The following SPNS3 variants were observed in gnomAD, a reference collection of about 807,000 sequenced individuals.
The protein encoded by SPNS3 is SPNS lysolipid transporter 3, sphingosine-1-phosphate (putative), also known as protein spinster homolog 3.
In SPNS3, 51 loss-of-function variants were observed where a neutral mutation model predicts 54.4. The ratio of observed to expected loss-of-function variants is 0.94; its 90% CI spans 0.75 to 1.18. SPNS3 has a LOEUF of 1.18. Ranked by LOEUF, SPNS3 falls within the 50% of genes most tolerant of loss-of-function variation. The pLI, the probability that SPNS3 is intolerant of heterozygous loss-of-function variation, is 0.00. For missense variants in SPNS3, 669 were observed against 677.4 expected, an observed-to-expected ratio of 0.99 and a Z score of 0.14; for synonymous variants, 309 against 294.7, an observed-to-expected ratio of 1.05 and a Z score of -0.50.
chr17:4,452,965 C>T (rs1378779899), intron 7 of SPNS3, 51 bp from the exon 8 acceptor site: 2 of 1,558,786 alleles, frequency 1.3e-6, no homozygotes, highest in African/African-American at 2.7e-5. Flanking sequence ...ATAAGAGTCC[C>T]TATGCTAAGC....
intron 8 of SPNS3, among the ~76,000 whole-genome samples, chr17:4,455,418 G>A (rs867829991): frequency 6.6e-6 from 1 of 152,348 alleles, no homozygotes; most frequent in African/African-American, 2.4e-5. Context: ...AGCTGTTTCT[G>A]CTGACTGTCG....
rs901131114 is a variant in SPNS3 at position 4,449,484 on chromosome 17, G to A, written c.923+97G>A. The A allele has an allele frequency of 1.1e-5, 15 of 1,384,262 alleles. No individual in the cohort carries two copies. The African/African-American group carries it at 1.8e-4, about 16-fold the overall frequency. 85.7% of individuals were successfully genotyped at this position (1,384,262 alleles called of 1,614,324 possible). Reference sequence around the variant, plus strand: ...GAGCTCCAAAATTCAGTTTCTTGGGGTGGGGCATTTGGTGCTGTGTGAAGA... The same window carrying A: ...GAGCTCCAAAATTCAGTTTCTTGGGATGGGGCATTTGGTGCTGTGTGAAGA... On this transcript the variant is annotated intron_variant, in intron 7 of 11. Coordinates refer to ENST00000355530, the MANE Select transcript of SPNS3 (RefSeq NM_182538.5).
chr17:4,438,968 T>G (rs137970462), intron 1 of SPNS3, among the ~76,000 whole-genome samples: 42 of 150,300 alleles, frequency 2.8e-4, no homozygotes, highest in Non-Finnish European at 5.0e-4. Flanking sequence ...GTGTGTGTAT[T>G]TGTGCCTCTG....
chr17:4,455,063 G>A (rs2144079275), intron 8 of SPNS3, among the ~76,000 whole-genome samples: 1 of 152,070 alleles, frequency 6.6e-6, no homozygotes, highest in Admixed American at 6.5e-5. Context: ...ACATGTGTGA[G>A]CCACCACGCC....
At chr17:4,439,813 G>A in intron 2 of SPNS3, 90 bp downstream of exon 2, 2 of 1,217,672 alleles carry the variant, frequency 1.6e-6, no homozygotes, top group East Asian at 2.5e-5. Flanking sequence ...CCCAGCTCCA[G>A]CCCCACTGGG....
chr17:4,473,950 C>T (rs1401234859), intron 8 of SPNS3, among the ~76,000 whole-genome samples: 1 of 152,074 alleles, frequency 6.6e-6, no homozygotes, highest in Non-Finnish European at 1.5e-5. Context: ...AGACTTGGCC[C>T]TTAGAGAGCC....
rs368847172 is a variant in SPNS3 at position 4,441,367 on chromosome 17, G to GA, written c.265+1654dup. ...GTGAGACCCTATTCTCCACAGAAAGGAAAAAAAAAAGACAAAAGAGTTACG... is the reference window on the plus strand; with the variant it reads ...GTGAGACCCTATTCTCCACAGAAAGGAAAAAAAAAAAGACAAAAGAGTTACG... On this transcript the variant is annotated intron_variant, in intron 2 of 11. Coordinates refer to ENST00000355530, the MANE Select transcript of SPNS3 (RefSeq NM_182538.5). 9.0e-3 allele frequency among the ~76,000 whole-genome samples: 1,333 copies of GA among 147,518 alleles called. 23 individuals carry two copies. Among genetic ancestry groups the GA allele is most frequent in the African/African-American group, 0.029 (1,193 of 40,510 alleles).
chr17:4,439,487 T>A (rs1415266058), intron 1 of SPNS3, among the ~76,000 whole-genome samples, 171 bp from the exon 2 acceptor site: 1 of 152,086 alleles, frequency 6.6e-6, no homozygotes, highest in Non-Finnish European at 1.5e-5. Context: ...CCTGCTCTTG[T>A]GTGTGTGGTT....
intron 8 of SPNS3, among the ~76,000 whole-genome samples, chr17:4,468,571 G>T (rs1971747657): frequency 6.6e-6 from 1 of 152,066 alleles, no homozygotes; most frequent in Admixed American, 6.6e-5. Flanking sequence ...TGTGGGGCAG[G>T]GGGCGGTGGC....
rs1970972644 is a variant in SPNS3 at position 4,445,910 on chromosome 17, G to A, written c.403-138G>A. 5 of 974,956 alleles carry A rather than the reference G, an allele frequency of 5.1e-6. No individual in the cohort carries two copies. In the South Asian group the frequency reaches 1.0e-4, roughly 20 times the overall value. The allele number at this position is 974,956 out of a possible 1,614,324, so 60.4% of individuals were successfully genotyped here. A position where few individuals can be genotyped will look rare whatever the true frequency, so the allele number is the denominator to read the frequency against. ...CTTTGGGAACCTGGAGTGGAGAGGTGTCTGTAGCCCCGATCCCCTCTCCCT... is the reference window on the plus strand; with the variant it reads ...CTTTGGGAACCTGGAGTGGAGAGGTATCTGTAGCCCCGATCCCCTCTCCCT... On this transcript the variant is annotated intron_variant, in intron 3 of 11. Coordinates refer to ENST00000355530, the MANE Select transcript of SPNS3 (RefSeq NM_182538.5).
intron 8 of SPNS3, among the ~76,000 whole-genome samples, chr17:4,455,665 C>A (rs115270042): frequency 0.024 from 3,681 of 152,176 alleles, 152 homozygotes; most frequent in African/African-American, 0.084. Context: ...GAGGCCTCCC[C>A]CACTGCCGCC....
chr17:4,450,667 G>A (rs1971138858), intron 7 of SPNS3, among the ~76,000 whole-genome samples: 1 of 151,750 alleles, frequency 6.6e-6, no homozygotes, highest in African/African-American at 2.4e-5. Flanking sequence ...CACAATCTTG[G>A]CTGACTGCAG....
At chr17:4,450,877 G>A (rs956065405) in intron 7 of SPNS3, among the ~76,000 whole-genome samples, 1 of 151,834 alleles carries the variant, frequency 6.6e-6, no homozygotes, top group African/African-American at 2.4e-5. Context: ...CGAAGTGCTG[G>A]AATTACAGGC....
intron 7 of SPNS3, among the ~76,000 whole-genome samples, chr17:4,450,197 G>A (rs1243992376): frequency 6.6e-6 from 1 of 151,520 alleles, no homozygotes; most frequent in Non-Finnish European, 1.5e-5. Context: ...CAGGGTTTTG[G>A]CGACACTCGT....
In SPNS3 at chr17:4,458,586, C is replaced by CT. The variant is rs1971391515; in HGVS notation, c.1113+5382dup. Among the ~76,000 whole-genome samples the CT allele has an allele frequency of 1.5e-4, 10 of 66,722 alleles. 1 individual carries two copies. Among genetic ancestry groups the CT allele is most frequent in the Admixed American group, 5.0e-4 (3 of 6,030 alleles). The allele number at this position is 66,722 out of a possible 152,430, so 43.8% of individuals were successfully genotyped here. A position where few individuals can be genotyped will look rare whatever the true frequency, so the allele number is the denominator to read the frequency against. ...CTTCCCTCCTTTCTTTCTTCCTTCC[C>CT]TCCTTTCTTTCTTTCTTTCTTTCTT... On this transcript the variant is annotated intron_variant, in intron 8 of 11. Transcript: ENST00000355530.
chr17:4,467,423 G>GCTT (rs1222621447), intron 8 of SPNS3, among the ~76,000 whole-genome samples: 13 of 152,122 alleles, frequency 8.5e-5, no homozygotes, highest in Admixed American at 7.9e-4. Context: ...TCATGTGGCT[G>GCTT]CTTTCATCTG....
chr17:4,485,730 C>G (rs530704355), intron 9 of SPNS3, among the ~76,000 whole-genome samples: 3 of 152,292 alleles, frequency 2.0e-5, no homozygotes, highest in African/African-American at 7.2e-5. Flanking sequence ...CAGCCTTGTC[C>G]GTGGAGTCGT....
intron 7 of SPNS3, 69 bp from the exon 8 acceptor site, chr17:4,452,947 G>C (rs1971205254): frequency 6.8e-7 from 1 of 1,469,906 alleles, no homozygotes; most frequent in Non-Finnish European, 9.3e-7. Context: ...CCTGGGGCTG[G>C]GAGCAGGATA....
intron 8 of SPNS3, among the ~76,000 whole-genome samples, chr17:4,455,274 G>A (rs987773024): frequency 3.3e-5 from 5 of 152,168 alleles, no homozygotes; most frequent in African/African-American, 1.2e-4. Context: ...GCTGTCGTCC[G>A]GTTTTGTTCT....
Sources: gnomAD v4.1 joint callset for allele counts (sites outside exome capture counted in the v4.1 genomes callset) on GRCh38, gnomAD v4.1.1 for gene constraint, MANE v1.5 for transcripts, NCBI Gene and HGNC (gene_info 2026-07-23, HGNC 2026-07-21) for gene names.